FYN: variants seen among roughly 807,000 people sequenced by gnomAD.
FYN encodes the protein FYN proto-oncogene, Src family tyrosine kinase.
FYN carries 10 observed loss-of-function variants against 70.2 expected under a neutral mutation model. That is an observed-to-expected ratio of 0.14 (90% CI 0.09 to 0.24). The LOEUF (loss-of-function observed/expected upper bound fraction) is 0.24, where lower values mean the gene tolerates loss of function less well. FYN is among the 10% of genes least tolerant of loss of function. The pLI, the probability that FYN is intolerant of heterozygous loss-of-function variation, is 1.00. For missense variants in FYN, 319 were observed against 673.1 expected (o/e 0.47, Z 5.82); for synonymous variants, 236 against 248.6 (o/e 0.95, Z 0.48).
chr6:111,790,011 A>C (rs1488680950), intron 2 of FYN, among the ~76,000 whole-genome samples: 1 of 152,108 alleles, frequency 6.6e-6, no homozygotes, highest in Non-Finnish European at 1.5e-5. Context: ...ACAATATCAG[A>C]ATCCCAGAAC....
At chr6:111,838,531 G>T (rs924278205) in intron 2 of FYN, among the ~76,000 whole-genome samples, 1 of 152,196 alleles carries the variant, frequency 6.6e-6, no homozygotes, top group African/African-American at 2.4e-5. Flanking sequence ...GAACAACACT[G>T]ACCTGGAGAG....
In FYN at chr6:111,669,303, C is replaced by T. The variant is rs543202612; in HGVS notation, c.1405+5196G>A. On this transcript the variant is annotated intron_variant, in intron 13 of 13. Coordinates refer to ENST00000354650, the MANE Select transcript of FYN (RefSeq NM_002037.5). Reference sequence around the variant, plus strand: ...TGCAAAAATTAGCCGGGCGTGGTGGCGGGTGCCTGTAATCCCAGCTTCTTG... The same window carrying T: ...TGCAAAAATTAGCCGGGCGTGGTGGTGGGTGCCTGTAATCCCAGCTTCTTG... Among the ~76,000 whole-genome samples the T allele has an allele frequency of 5.3e-4, 80 of 152,004 alleles. 1 individual carries two copies. Among genetic ancestry groups the T allele is most frequent in the African/African-American group, 1.6e-3 (68 of 41,464 alleles).
chr6:111,780,473 G>C (rs1342089917), intron 3 of FYN, 93 bp downstream of exon 3: 2 of 152,560 alleles, frequency 1.3e-5, no homozygotes, highest in Non-Finnish European at 2.9e-5. Context: ...GTTTAGTGCA[G>C]AAGTAAAAGA....
intron 3 of FYN, among the ~76,000 whole-genome samples, chr6:111,726,667 G>A (rs1801206651): frequency 6.6e-6 from 1 of 152,168 alleles, no homozygotes; most frequent in Non-Finnish European, 1.5e-5. Flanking sequence ...AAATCCTATA[G>A]GGAAGAATTG....
At chr6:111,843,162 T>C (rs1280452209) in intron 2 of FYN, among the ~76,000 whole-genome samples, 3 of 152,188 alleles carry the variant, frequency 2.0e-5, no homozygotes, top group African/African-American at 4.8e-5. Context: ...GCCTCTCTCA[T>C]GGCAGGCACT....
intron 2 of FYN, among the ~76,000 whole-genome samples, chr6:111,826,760 C>T (rs868167654): frequency 1.3e-5 from 2 of 152,324 alleles, no homozygotes; most frequent in Middle Eastern, 6.8e-3. Flanking sequence ...TGTCTCATCT[C>T]TTTTCTCCCA....
chr6:111,864,994 C>T (rs1484974500), intron 1 of FYN, among the ~76,000 whole-genome samples: 1 of 152,128 alleles, frequency 6.6e-6, no homozygotes, highest in East Asian at 1.9e-4. Flanking sequence ...GCTATTATTT[C>T]TATGGTGTAT....
Position 111,661,750 on chromosome 6 carries a change from C to T in FYN, c.1603G>A (p.Glu535Lys), listed in dbSNP as rs1797741627. The T allele has an allele frequency of 1.2e-6, 2 of 1,613,858 alleles. No individual in the cohort carries two copies. The highest frequency in any genetic ancestry group is 1.7e-6 in the Non-Finnish European group (2 of 1,179,892). The change falls in exon 14 of 14, where the codon GAA (glutamate) becomes AAA (lysine). Residue 535 changes from glutamate to lysine, a missense_variant. Physicochemically the swap from Glu to Lys is moderately conservative, Grantham distance 56 (BLOSUM62 1). This residue lies in a region of FYN where 64 missense variants were observed against 223.0 expected (regional missense o/e 0.29). Coordinates refer to ENST00000354650, the MANE Select transcript of FYN (RefSeq NM_002037.5). This position sits in a 1 kb window ranked among gnomAD's most constrained non-coding sequence, Gnocchi z 4.0. ...TATEPQYQPG[E>K]NL ...CGCAGACCCGGGCCTTACAGGTTTT[C>T]ACCAGGTTGGTACTGGGGCTCTGTC...
intron 3 of FYN, among the ~76,000 whole-genome samples, chr6:111,724,963 T>C (rs889261720): frequency 2.6e-5 from 4 of 152,066 alleles, no homozygotes; most frequent in Admixed American, 6.5e-5. Context: ...AAAGCTGAAC[T>C]GCAGATCAAC....
intron 2 of FYN, among the ~76,000 whole-genome samples, chr6:111,843,483 A>G (rs1773425705): frequency 6.6e-6 from 1 of 152,198 alleles, no homozygotes; most frequent in South Asian, 2.1e-4. Context: ...TCTGTGGAAA[A>G]GAAAATATTT....
chr6:111,848,633 A>G (rs972768166), intron 1 of FYN, among the ~76,000 whole-genome samples: 11 of 152,250 alleles, frequency 7.2e-5, no homozygotes, highest in Admixed American at 5.2e-4. Context: ...TTTAACTCTG[A>G]GGACTCTAAG....
chr6:111,777,405 T>C (rs1159800502), intron 3 of FYN, among the ~76,000 whole-genome samples: 1 of 152,198 alleles, frequency 6.6e-6, no homozygotes, highest in East Asian at 1.9e-4. Context: ...ATTTACACTT[T>C]AAAAATTACT....
chr6:111,699,785 C>CT, intron 9 of FYN: 1 of 1,050,174 alleles, frequency 9.5e-7, no homozygotes. Context: ...CAAATATTTG[C>CT]TTTTGGAAAT....
At chr6:111,816,539 AAG>A in intron 2 of FYN, among the ~76,000 whole-genome samples, 1 of 152,336 alleles carries the variant, frequency 6.6e-6, no homozygotes, top group African/African-American at 2.4e-5. Flanking sequence ...CATAGATCAT[AAG>A]GAGGTCACAA....
chr6:111,797,570 C>G (rs1339015264), intron 2 of FYN, among the ~76,000 whole-genome samples: 1 of 148,182 alleles, frequency 6.7e-6, no homozygotes, highest in Non-Finnish European at 1.5e-5. Context: ...AGTCTGCTCA[C>G]ACAATGGAAA....
rs1797746076 is a variant in FYN at position 111,661,853 on chromosome 6, G to A, written c.1500C>T (p.Ile500=). 7.4e-6 allele frequency: 12 copies of A among 1,614,060 alleles called. No homozygotes were observed. The highest frequency in any genetic ancestry group is 1.3e-5 in the African/African-American group (1 of 74,928). The change falls in exon 14 of 14, where the codon ATC becomes ATT. Residue 500 remains isoleucine, a synonymous_variant. Transcript: ENST00000354650. This position sits in a 1 kb window ranked among gnomAD's most constrained non-coding sequence, Gnocchi z 4.0. ...CTTCAGGGTCCTTTTTCCAGCAGTG[G>A]ATCATGAGCTCATGCAGAGAGATGG... ...DCPISLHELM[I]HCWKKDPEER...
intron 3 of FYN, 62 bp downstream of exon 3, chr6:111,780,504 C>CT (rs1466091954): frequency 6.6e-6 from 1 of 152,620 alleles, no homozygotes; most frequent in Non-Finnish European, 1.5e-5. Flanking sequence ...AAGGCAACAG[C>CT]TTCCCTTCGT....
intron 2 of FYN, among the ~76,000 whole-genome samples, chr6:111,790,048 A>G (rs999771360): frequency 6.6e-6 from 1 of 152,154 alleles, no homozygotes; most frequent in Non-Finnish European, 1.5e-5. Flanking sequence ...ATGTTAAAGA[A>G]TAACTAGTCT....
intron 2 of FYN, among the ~76,000 whole-genome samples, chr6:111,821,177 T>G (rs981455934): frequency 2.0e-5 from 3 of 151,890 alleles, no homozygotes; most frequent in Non-Finnish European, 2.9e-5. Flanking sequence ...CATTGCCAAG[T>G]CAATCCTAAG....
Sources: allele counts gnomAD v4.1 joint callset (sites outside exome capture counted in the v4.1 genomes callset), GRCh38; gene constraint gnomAD v4.1.1; regional missense constraint gnomAD v4.1.1; non-coding constraint Gnocchi (gnomAD v3.1); transcripts MANE v1.5; gene names NCBI Gene and HGNC (gene_info 2026-07-23, HGNC 2026-07-21).